The following COL4A2 variants were observed in gnomAD, a reference collection of about 807,000 sequenced individuals.
The protein encoded by COL4A2 is collagen alpha-2(IV) chain.
A neutral mutation model predicts 200.2 loss-of-function variants in COL4A2; 99 were observed. That is an observed-to-expected ratio of 0.49 (90% CI 0.42 to 0.58). The LOEUF is 0.58. Among genes scored for constraint, COL4A2 ranks in the 20% least tolerant of loss-of-function variants. The pLI is 0.00. For missense variants in COL4A2, 1,950 were observed against 2,314.1 expected (o/e 0.84, Z 3.23); for synonymous variants, 897 against 900.6 (o/e 1.00, Z 0.07).
chr13:110,340,089 A>G (rs945002010), intron 3 of COL4A2, among the ~76,000 whole-genome samples: 3 of 152,198 alleles, frequency 2.0e-5, no homozygotes, highest in Admixed American at 6.5e-5. Flanking sequence ...CTCTCACCCA[A>G]TGGGCACCTG....
In COL4A2 at chr13:110,485,141, G is replaced by A. The variant is rs11839527; in HGVS notation, c.3025+114G>A. On this transcript the variant is annotated intron_variant, in intron 33 of 47. Coordinates refer to ENST00000360467, the MANE Select transcript of COL4A2 (RefSeq NM_001846.4). ...CCGTGCCCTCCACCTGGCTTTCTTC[G>A]TGCTTTTCATCTCTGGGCGCCCTGT... 124,351 of 955,290 alleles carry A rather than the reference G, an allele frequency of 0.13. 8,386 individuals carry two copies. The highest frequency in any genetic ancestry group is 0.14 in the Non-Finnish European group (90,905 of 666,166). 59.2% of individuals were successfully genotyped at this position (955,290 alleles called of 1,614,324 possible). A position where few individuals can be genotyped will look rare whatever the true frequency, so the allele number is the denominator to read the frequency against.
chr13:110,469,602 C>A (rs1230814297), intron 28 of COL4A2, among the ~76,000 whole-genome samples: 1 of 152,164 alleles, frequency 6.6e-6, no homozygotes, highest in Non-Finnish European at 1.5e-5. Flanking sequence ...CCAGGTATGT[C>A]CTCAGTGTTA....
chr13:110,488,142 C>T (rs1054832253), intron 34 of COL4A2, among the ~76,000 whole-genome samples: 1 of 152,218 alleles, frequency 6.6e-6, no homozygotes, highest in Non-Finnish European at 1.5e-5. Context: ...TCCCCTGCCA[C>T]AGCCTCCCAA....
intron 15 of COL4A2, 142 bp downstream of exon 15, chr13:110,438,810 C>CCCAA (rs372770020): frequency 1.6e-6 from 1 of 617,356 alleles, no homozygotes; most frequent in African/African-American, 2.2e-5. Context: ...CCACCCCCCC[C>CCCAA]CACACACACA....
At position 110,503,969 on chromosome 13, in the gene COL4A2, C is replaced by T; in HGVS notation, c.4261C>T (p.Pro1421Ser). The T allele has an allele frequency of 6.4e-7, 1 of 1,560,572 alleles. No individual in the cohort carries two copies. The highest frequency in any genetic ancestry group is 8.6e-7 in the Non-Finnish European group (1 of 1,156,546). Residue 1421 changes from proline to serine, a missense_variant, in exon 44 of 48, where the codon CCC becomes TCC. This residue lies in a region of COL4A2 where 1,385 missense variants were observed against 1,720.5 expected (regional missense o/e 0.80). Coordinates refer to ENST00000360467, the MANE Select transcript of COL4A2 (RefSeq NM_001846.4). ...GPPGAPGEMG[P>S]QGPPGEPGFR... The stretch of plus-strand genomic sequence containing the variant: ...CCCTGGGGCACCGGGGGAGATGGGG[C>T]CCCAGGGCCCCCCCGGAGAACCAGG...
In COL4A2 at chr13:110,512,327, CT is replaced by C; in HGVS notation, c.*138del. The C allele has an allele frequency of 7.3e-7, 1 of 1,374,198 alleles. No homozygotes were observed. Among genetic ancestry groups the C allele is most frequent in the Non-Finnish European group, 9.6e-7 (1 of 1,045,298 alleles). 85.1% of individuals were successfully genotyped at this position (1,374,198 alleles called of 1,614,324 possible). A position where few individuals can be genotyped will look rare whatever the true frequency, so the allele number is the denominator to read the frequency against. ...AAGGAATTTGCATCCAGCAGCAGCA[CT>C]TAGACCTGCCAGCCACTGTCACCGA... is the stretch of plus-strand genomic sequence containing the variant. On this transcript the variant is annotated 3_prime_UTR_variant, in exon 48 of 48. Transcript: ENST00000360467.
chr13:110,424,032 G>A lies in COL4A2; in HGVS notation c.181-702G>A, dbSNP rs993219110. ...TGTAAGTGTACCAAAGCTAGCCCCTGCTTTCTGTATGCCCAGAAGTGGAAT... is the reference window on the plus strand; with the variant it reads ...TGTAAGTGTACCAAAGCTAGCCCCTACTTTCTGTATGCCCAGAAGTGGAAT... On this transcript the variant is annotated intron_variant, in intron 4 of 47. Transcript: ENST00000360467. Among the ~76,000 whole-genome samples, 3 of 152,236 alleles carry A rather than the reference G, an allele frequency of 2.0e-5. No homozygotes were observed. In the East Asian group the frequency reaches 5.8e-4, roughly 29 times the overall value.
At chr13:110,435,751 C>T (rs1880848082) in intron 12 of COL4A2, among the ~76,000 whole-genome samples, 1 of 152,174 alleles carries the variant, frequency 6.6e-6, no homozygotes, top group Admixed American at 6.5e-5. Context: ...TGCACCACAT[C>T]AAAAAGTGTT....
intron 4 of COL4A2, among the ~76,000 whole-genome samples, chr13:110,419,142 C>T (rs753998846): frequency 3.3e-5 from 5 of 152,124 alleles, no homozygotes; most frequent in African/African-American, 4.8e-5. Context: ...AGGGAGGGTC[C>T]GCCCTGGGGA....
intron 4 of COL4A2, among the ~76,000 whole-genome samples, chr13:110,371,749 G>A (rs557958175): frequency 1.7e-4 from 26 of 151,954 alleles, no homozygotes; most frequent in Admixed American, 1.1e-3. Context: ...TAGGGCGGGC[G>A]GCGGGCCGTC....
intron 4 of COL4A2, among the ~76,000 whole-genome samples, chr13:110,419,596 G>A (rs2139448414): frequency 6.6e-6 from 1 of 152,286 alleles, no homozygotes; most frequent in South Asian, 2.1e-4. Context: ...GATGAATGCG[G>A]GAGTGTCGGG....
chr13:110,365,683 C>G (rs1877714962), intron 4 of COL4A2, among the ~76,000 whole-genome samples: 2 of 152,214 alleles, frequency 1.3e-5, no homozygotes, highest in Admixed American at 1.3e-4. Flanking sequence ...CCAAGAGTCA[C>G]CCTGGCCCCA....
At chr13:110,406,006 G>T (rs1467304553) in intron 4 of COL4A2, among the ~76,000 whole-genome samples, 1 of 152,188 alleles carries the variant, frequency 6.6e-6, no homozygotes, top group East Asian at 1.9e-4. Flanking sequence ...CTCTTGCAGT[G>T]ATCAAGTGTC....
At chr13:110,381,818 A>G (rs749648975) in intron 4 of COL4A2, among the ~76,000 whole-genome samples, 28 of 152,048 alleles carry the variant, frequency 1.8e-4, no homozygotes, top group Non-Finnish European at 3.8e-4. Flanking sequence ...TCTTCATATC[A>G]TCGTTATTAT....
chr13:110,368,856 G>T (rs1216160658), intron 4 of COL4A2, among the ~76,000 whole-genome samples: 5 of 144,370 alleles, frequency 3.5e-5, no homozygotes, highest in African/African-American at 1.0e-4. Context: ...AAAGGGGGGG[G>T]GGGGGTTGAG....
intron 46 of COL4A2, among the ~76,000 whole-genome samples, chr13:110,507,069 G>A (rs541879558): frequency 1.3e-5 from 2 of 152,302 alleles, no homozygotes; most frequent in Non-Finnish European, 2.9e-5. Context: ...CCTTTGAAAG[G>A]CATTAACGCG....
rs2139481195 is a variant in COL4A2 at position 110,450,312 on chromosome 13, G to A, written c.1197G>A (p.Arg399=). The change falls in exon 20 of 48, where the codon AGG becomes AGA. Residue 399 remains arginine, a synonymous_variant. Coordinates refer to ENST00000360467, the MANE Select transcript of COL4A2 (RefSeq NM_001846.4). ...AATGCTGTTTGGTTTCAGATCAGAG[G>A]AGAGGCCTGCCGGGTGAGATGGGAC... ...PGLSIGDGDQ[R]RGLPGEMGPK... 3 of 1,613,728 alleles carry A rather than the reference G, an allele frequency of 1.9e-6. No individual in the cohort carries two copies. The highest frequency in any genetic ancestry group is 1.7e-6 in the Non-Finnish European group (2 of 1,179,746).
At chr13:110,484,403 C>G (rs1313795899) in intron 32 of COL4A2, among the ~76,000 whole-genome samples, 2 of 152,132 alleles carry the variant, frequency 1.3e-5, no homozygotes, top group African/African-American at 4.8e-5. Context: ...GCCCGGCCCG[C>G]AGCTCTGGGC....
At chr13:110,472,241 GAGT>G (rs1882501105) in intron 28 of COL4A2, among the ~76,000 whole-genome samples, 1 of 151,504 alleles carries the variant, frequency 6.6e-6, no homozygotes, top group Non-Finnish European at 1.5e-5. Flanking sequence ...TCAGCCTCCT[GAGT>G]AGCTGGGACT....
Sources: gnomAD v4.1 joint callset for allele counts (sites outside exome capture counted in the v4.1 genomes callset) on GRCh38, gnomAD v4.1.1 for gene constraint, gnomAD v4.1.1 regional missense constraint, MANE v1.5 for transcripts, NCBI Gene and HGNC (gene_info 2026-07-23, HGNC 2026-07-21) for gene names.